Variants in LRRC42 observed in about 807,000 individuals in gnomAD.
LRRC42 encodes the protein leucine rich repeat containing 42.
Under a neutral mutation model 44.3 loss-of-function variants are expected in LRRC42, and 43 were observed. The observed-to-expected ratio is 0.97, with a 90% CI of 0.76 to 1.25. The LOEUF is 1.25. Ranked by LOEUF, LRRC42 falls within the 50% of genes most tolerant of loss-of-function variation. The pLI is 0.00. For synonymous variants in LRRC42, 207 were observed against 195.2 expected (o/e 1.06, Z -0.50); for missense variants, 540 against 509.1 (o/e 1.06, Z -0.58).
At position 53,960,435 on chromosome 1, in the gene LRRC42, A is replaced by T. The variant is rs1277640195; in HGVS notation, c.685A>T (p.Lys229Ter). 9.3e-6 allele frequency: 15 copies of T among 1,613,648 alleles called. No individual in the cohort carries two copies. Among genetic ancestry groups the T allele is most frequent in the Non-Finnish European group, 1.1e-5 (13 of 1,179,802 alleles). Residue 229 changes from lysine (K) to a stop codon, truncating the protein, a stop_gained, in exon 5 of 9, where the codon AAA becomes TAA. Transcript: ENST00000371370. LOFTEE classifies it high-confidence loss of function. ...GATGACAGCACCAGTTCGAGTGATG[A>T]AAAGAGGCCTTGAGAATCTAACATT... The part of the protein sequence containing the change: ...RKMTAPVRVM[K>*]RGLENLTLLD...
At chr1:53,964,748 G>A (rs1054096788) in intron 7 of LRRC42, among the ~76,000 whole-genome samples, 1 of 152,164 alleles carries the variant, frequency 6.6e-6, no homozygotes, top group African/African-American at 2.4e-5. Flanking sequence ...CCTATGGAAT[G>A]TGTACTATCA....
At chr1:53,963,806 C>T (rs1392166146) in intron 7 of LRRC42, among the ~76,000 whole-genome samples, 3 of 152,216 alleles carry the variant, frequency 2.0e-5, no homozygotes, top group African/African-American at 4.8e-5. Flanking sequence ...AACCGTATTA[C>T]ACTTCCCTTC....
At chr1:53,949,834 G>T (rs1654623793) in intron 2 of LRRC42, among the ~76,000 whole-genome samples, 1 of 152,190 alleles carries the variant, frequency 6.6e-6, no homozygotes, top group Admixed American at 6.5e-5. Context: ...GGCAAGTGGG[G>T]GAGGAGCCTG....
At chr1:53,958,686 A>C (rs1202430238) in intron 4 of LRRC42, among the ~76,000 whole-genome samples, 1 of 152,142 alleles carries the variant, frequency 6.6e-6, no homozygotes, top group Non-Finnish European at 1.5e-5. Context: ...TCCCAGGTTC[A>C]AGCAATTCTC....
At chr1:53,962,234 C>T (rs1480632787) in intron 6 of LRRC42, 62 bp from the exon 7 acceptor site, 1 of 1,470,454 alleles carries the variant, frequency 6.8e-7, no homozygotes, top group Non-Finnish European at 9.5e-7. Context: ...TTATTTACTA[C>T]TGAAAACAAG....
chr1:53,963,646 C>T (rs1161780038), intron 7 of LRRC42, among the ~76,000 whole-genome samples: 1 of 152,184 alleles, frequency 6.6e-6, no homozygotes, highest in Non-Finnish European at 1.5e-5. Flanking sequence ...CTCAGCTGGG[C>T]CCCTAGGGCG....
rs371292452 is a variant in LRRC42, at chr1:53,960,474, T to C, written c.724T>C (p.Cys242Arg). 107 of 1,585,850 alleles carry C rather than the reference T, an allele frequency of 6.7e-5. No individual in the cohort carries two copies. Among genetic ancestry groups the C allele is most frequent in the Non-Finnish European group, 8.9e-5 (103 of 1,158,048 alleles). The change falls in exon 5 of 9, where the codon TGT becomes CGT. Residue 242 changes from cysteine to arginine, a missense_variant and splice_region_variant. Transcript: ENST00000371370. ...LENLTLLDLS[C>R]NPEITDAGIG... is the part of the protein sequence containing the mutation. ...GAATCTAACATTATTAGACTTATCA[T>C]GTAAGTTTTCTTCGAAATTATAGAT...
At chr1:53,947,977 C>G (rs1209487069) in intron 2 of LRRC42, 156 bp downstream of exon 2, 1 of 152,120 alleles carries the variant, frequency 6.6e-6, no homozygotes, top group Non-Finnish European at 1.5e-5. Flanking sequence ...TAGCTCTGTT[C>G]TAGAGTAAGT....
At chr1:53,958,482 AG>A (rs1220906631) in intron 4 of LRRC42, among the ~76,000 whole-genome samples, 2 of 152,380 alleles carry the variant, frequency 1.3e-5, no homozygotes, top group East Asian at 3.8e-4. Flanking sequence ...AGTTGACTCA[AG>A]TCAGTTAGTT....
intron 3 of LRRC42, among the ~76,000 whole-genome samples, chr1:53,956,027 C>T (rs1293203981): frequency 6.6e-6 from 1 of 152,344 alleles, no homozygotes; most frequent in East Asian, 1.9e-4. Context: ...CTCTCTTCTC[C>T]TTTTGAATCC....
Position 53,964,204 on chromosome 1 carries a change from A to G in LRRC42, c.927+1795A>G, listed in dbSNP as rs576926290. 3.7e-4 allele frequency among the ~76,000 whole-genome samples: 57 copies of G among 152,082 alleles called. 1 individual carries two copies. In the East Asian group the frequency reaches 5.8e-3, roughly 15 times the overall value. ...CCTTGGCTTTCCTGCAGCATTCGAT[A>G]GAAACATGCATGACTTATGTATTTT... On this transcript the variant is annotated intron_variant, in intron 7 of 8. Transcript: ENST00000371370.
chr1:53,965,212 C>T (rs1160459857), intron 7 of LRRC42, among the ~76,000 whole-genome samples: 3 of 150,946 alleles, frequency 2.0e-5, no homozygotes, highest in East Asian at 3.9e-4. Context: ...AGCCTGGTCT[C>T]GAACTCCTGT....
intron 3 of LRRC42, among the ~76,000 whole-genome samples, chr1:53,957,109 GAA>G (rs1654862521): frequency 6.6e-6 from 1 of 152,152 alleles, no homozygotes; most frequent in Non-Finnish European, 1.5e-5. Context: ...GAAGTAGGAA[GAA>G]AAGAGATTAA....
chr1:53,965,300 A>T (rs1024765866), intron 7 of LRRC42, among the ~76,000 whole-genome samples: 1 of 151,770 alleles, frequency 6.6e-6, no homozygotes, highest in Non-Finnish European at 1.5e-5. Flanking sequence ...CTGTATTCTT[A>T]AACTCTGTGT....
intron 3 of LRRC42, among the ~76,000 whole-genome samples, chr1:53,957,143 A>G (rs1431107497): frequency 6.6e-6 from 1 of 152,208 alleles, no homozygotes; most frequent in Non-Finnish European, 1.5e-5. Flanking sequence ...CCCTCTGATT[A>G]TTCCATCCTG....
At chr1:53,960,879 C>T (rs1414205296) in intron 5 of LRRC42, among the ~76,000 whole-genome samples, 1 of 152,140 alleles carries the variant, frequency 6.6e-6, no homozygotes, top group Non-Finnish European at 1.5e-5. Flanking sequence ...ATAATTTACT[C>T]AGATTAACCA....
At chr1:53,955,046 A>G (rs1654791775) in intron 3 of LRRC42, among the ~76,000 whole-genome samples, 1 of 152,236 alleles carries the variant, frequency 6.6e-6, no homozygotes, top group Non-Finnish European at 1.5e-5. Context: ...AAATTATAGT[A>G]TATTTATATG....
At position 53,967,857 on chromosome 1, in the gene LRRC42, A is replaced by G. The variant is rs1483977165; in HGVS notation, c.1205A>G (p.Glu402Gly). Residue 402 changes from glutamate to glycine, a missense_variant, in exon 9 of 9, where the codon GAA becomes GGA. Transcript: ENST00000371370. The stretch of plus-strand genomic sequence containing the variant: ...AGACCTTTTGAGGAGTCAGAGACAG[A>G]ACAGAATAACTCTTCACAACCTTCA... ...KKRPFEESETEQNNSSQPSKQ... is the reference protein window; with the variant it reads ...KKRPFEESETGQNNSSQPSKQ... 1 of 1,614,226 alleles carries G rather than the reference A, an allele frequency of 6.2e-7. No individual in the cohort carries two copies. The highest frequency in any genetic ancestry group is 8.5e-7 in the Non-Finnish European group (1 of 1,180,036).
At chr1:53,955,203 C>A (rs1409086857) in intron 3 of LRRC42, among the ~76,000 whole-genome samples, 1 of 152,050 alleles carries the variant, frequency 6.6e-6, no homozygotes, top group Non-Finnish European at 1.5e-5. Context: ...TTTATACTTT[C>A]CTATATTTTC....
Sources: allele counts gnomAD v4.1 joint callset (sites outside exome capture counted in the v4.1 genomes callset), GRCh38; gene constraint gnomAD v4.1.1; transcripts MANE v1.5; gene names NCBI Gene and HGNC (gene_info 2026-07-23, HGNC 2026-07-21).